Variants in IMMP2L observed in about 807,000 individuals in gnomAD.
The protein encoded by IMMP2L is mitochondrial inner membrane protease subunit 2.
In IMMP2L, 18 loss-of-function variants were observed where a neutral mutation model predicts 19.3. The ratio of observed to expected loss-of-function variants is 0.93; its 90% CI spans 0.64 to 1.38. The LOEUF (loss-of-function observed/expected upper bound fraction) is 1.38. Among genes scored for constraint, IMMP2L ranks in the 40% most tolerant of loss-of-function variants. The pLI is 0.00. For synonymous variants in IMMP2L, 76 were observed against 73.0 expected (o/e 1.04, Z -0.21); for missense variants, 233 against 218.2 (o/e 1.07, Z -0.43).
At chr7:111,106,059 T>A (rs896523570) in intron 3 of IMMP2L, among the ~76,000 whole-genome samples, 1 of 151,940 alleles carries the variant, frequency 6.6e-6, no homozygotes, top group East Asian at 1.9e-4. Context: ...AATATCACAG[T>A]AACACATAAC....
chr7:110,815,944 G>GT (rs976391573), intron 5 of IMMP2L, among the ~76,000 whole-genome samples: 2 of 151,976 alleles, frequency 1.3e-5, no homozygotes, highest in African/African-American at 2.4e-5. Context: ...TTTTTGAAGG[G>GT]TTTTTTGTGT....
At chr7:111,147,437 C>T (rs1803600061) in intron 3 of IMMP2L, among the ~76,000 whole-genome samples, 1 of 152,088 alleles carries the variant, frequency 6.6e-6, no homozygotes, top group Non-Finnish European at 1.5e-5. Flanking sequence ...CTGTAGGCAA[C>T]AGAGACTTGT....
intron 3 of IMMP2L, among the ~76,000 whole-genome samples, chr7:111,314,312 A>G (rs1394340052): frequency 6.6e-6 from 1 of 152,134 alleles, no homozygotes; most frequent in Non-Finnish European, 1.5e-5. Context: ...ACAAAGCATA[A>G]GATGTCCTGG....
intron 3 of IMMP2L, among the ~76,000 whole-genome samples, chr7:111,401,125 T>C (rs939816042): frequency 1.3e-5 from 2 of 152,166 alleles, no homozygotes; most frequent in African/African-American, 4.8e-5. Flanking sequence ...AGATTGTTTA[T>C]CTTGTTGAAA....
intron 3 of IMMP2L, among the ~76,000 whole-genome samples, chr7:111,061,657 C>T (rs1794027515): frequency 6.6e-6 from 1 of 152,122 alleles, no homozygotes; most frequent in South Asian, 2.1e-4. Flanking sequence ...CTCAGGTCTT[C>T]GACTGCTTTA....
chr7:111,515,318 C>A lies in IMMP2L; in HGVS notation c.135+5995G>T, dbSNP rs150321927. ...AGGGCTTTCTCTCTCAGAGCCTAGA[C>A]AATTTTTCTTACAGAACAGATTTTT... On this transcript the variant is annotated intron_variant, in intron 2 of 5. Coordinates refer to ENST00000405709, the MANE Select transcript of IMMP2L (RefSeq NM_032549.4). Among the ~76,000 whole-genome samples the A allele has an allele frequency of 3.9e-5, 6 of 152,240 alleles. 1 individual carries two copies. The highest frequency in any genetic ancestry group is 1.4e-4 in the African/African-American group (6 of 41,560).
chr7:110,919,815 T>G (rs1158406642), intron 4 of IMMP2L, among the ~76,000 whole-genome samples: 1 of 152,174 alleles, frequency 6.6e-6, no homozygotes, highest in Non-Finnish European at 1.5e-5. Context: ...TGGGTGTGTC[T>G]GTGAGGGTGT....
chr7:110,761,677 AAT>A (rs1320082591), intron 5 of IMMP2L, among the ~76,000 whole-genome samples: 1 of 152,182 alleles, frequency 6.6e-6, no homozygotes, highest in Non-Finnish European at 1.5e-5. Flanking sequence ...TGTCTAATGT[AAT>A]CCTTACAACT....
chr7:110,672,033 A>G (rs1171131433), intron 5 of IMMP2L, among the ~76,000 whole-genome samples: 11 of 152,240 alleles, frequency 7.2e-5, no homozygotes, highest in Admixed American at 7.2e-4. Flanking sequence ...AAAAACAAAA[A>G]CAAAAAAAGA....
In IMMP2L at chr7:111,477,995, T is replaced by C. The variant is rs570096698; in HGVS notation, c.239+9243A>G. Among the ~76,000 whole-genome samples, 13 of 152,294 alleles carry C rather than the reference T, an allele frequency of 8.5e-5. No individual in the cohort carries two copies. The South Asian group carries it at 2.7e-3, about 32-fold the overall frequency. On this transcript the variant is annotated intron_variant, in intron 3 of 5. Coordinates refer to ENST00000405709, the MANE Select transcript of IMMP2L (RefSeq NM_032549.4). ...CATTGTATTTATTCCAATAGTGCTT[T>C]TTCATTCTGTGGATTGATGTCTTTC...
chr7:110,972,280 C>T (rs1820218799), intron 3 of IMMP2L, among the ~76,000 whole-genome samples: 1 of 152,006 alleles, frequency 6.6e-6, no homozygotes, highest in Admixed American at 6.6e-5. Context: ...ATTCAGCTAG[C>T]TCCAGTTGCT....
intron 3 of IMMP2L, among the ~76,000 whole-genome samples, chr7:111,305,221 T>TTATTAGAA (rs1458754866): frequency 1.3e-5 from 2 of 152,042 alleles, no homozygotes; most frequent in African/African-American, 4.8e-5. Context: ...GAGGGCTAAA[T>TTATTAGAA]TATTAGAAAA....
chr7:111,283,876 C>T lies in IMMP2L; in HGVS notation c.239+203362G>A, dbSNP rs1420347783. ...GTCCCAGCTACTTGGGAGGCTGAGG[C>T]AGGAGAATGGCGTGAACCCGGGAGG... On this transcript the variant is annotated intron_variant, in intron 3 of 5. Transcript: ENST00000405709. Among the ~76,000 whole-genome samples, 7 of 145,030 alleles carry T rather than the reference C, an allele frequency of 4.8e-5. No individual in the cohort carries two copies. The South Asian group carries it at 1.1e-3, about 23-fold the overall frequency.
chr7:110,794,478 G>A (rs796417786), intron 5 of IMMP2L, among the ~76,000 whole-genome samples: 22 of 151,960 alleles, frequency 1.4e-4, no homozygotes, highest in South Asian at 2.1e-4. Context: ...TTTTAGTGCC[G>A]ATTAAAGATT....
At chr7:111,320,901 A>G (rs1824624923) in intron 3 of IMMP2L, among the ~76,000 whole-genome samples, 1 of 152,008 alleles carries the variant, frequency 6.6e-6, no homozygotes, top group Non-Finnish European at 1.5e-5. Flanking sequence ...AGTACAAGCA[A>G]CTTATTCATA....
intron 2 of IMMP2L, among the ~76,000 whole-genome samples, chr7:111,512,936 T>A (rs924585633): frequency 6.6e-6 from 1 of 152,120 alleles, no homozygotes; most frequent in African/African-American, 2.4e-5. Context: ...TCTCACACCA[T>A]ATACAAAAAT....
chr7:110,825,188 GACTCAAACAA>G (rs2131354694), intron 5 of IMMP2L, among the ~76,000 whole-genome samples: 1 of 152,198 alleles, frequency 6.6e-6, no homozygotes, highest in Admixed American at 6.6e-5. Flanking sequence ...AATAAAAGAG[GACTCAAACAA>G]ATGGAAGAAC....
intron 3 of IMMP2L, among the ~76,000 whole-genome samples, chr7:111,242,113 C>A (rs1815134182): frequency 6.6e-6 from 1 of 151,868 alleles, no homozygotes; most frequent in South Asian, 2.1e-4. Flanking sequence ...AACAATAATT[C>A]AGAAAATAGA....
rs147358255 is a variant in IMMP2L, at chr7:111,477,256, T to C, written c.239+9982A>G. Among the ~76,000 whole-genome samples, 525 of 152,240 alleles carry C rather than the reference T, an allele frequency of 3.4e-3. 6 individuals are homozygous for C. The highest frequency in any genetic ancestry group is 0.012 in the African/African-American group (506 of 41,554). On this transcript the variant is annotated intron_variant, in intron 3 of 5. Coordinates refer to ENST00000405709, the MANE Select transcript of IMMP2L (RefSeq NM_032549.4). ...CTACCAACCACCAGGGCTGGCTTCA[T>C]GGCAATGTGACCAGTGCAGTCACAC...
Sources: allele counts gnomAD v4.1 joint callset (sites outside exome capture counted in the v4.1 genomes callset), GRCh38; gene constraint gnomAD v4.1.1; transcripts MANE v1.5; gene names NCBI Gene and HGNC (gene_info 2026-07-23, HGNC 2026-07-21).